The following CNTNAP2 variants were observed in gnomAD, a reference collection of about 807,000 sequenced individuals.
CNTNAP2 encodes contactin associated protein 2.
Under a neutral mutation model 155.2 loss-of-function variants are expected in CNTNAP2, and 98 were observed. The ratio of observed to expected loss-of-function variants is 0.63; its 90% CI spans 0.54 to 0.75. CNTNAP2 has a LOEUF of 0.75. Ranked by LOEUF, CNTNAP2 falls within the 30% of genes least tolerant of loss-of-function variation. The pLI, the probability that CNTNAP2 is intolerant of heterozygous loss-of-function variation, is 0.00. For missense variants in CNTNAP2, 1,727 were observed against 1,688.1 expected, an observed-to-expected ratio of 1.02 and a Z score of -0.40; for synonymous variants, 651 against 631.2, an observed-to-expected ratio of 1.03 and a Z score of -0.47.
At chr7:146,118,671 A>G (rs1300113190) in intron 1 of CNTNAP2, among the ~76,000 whole-genome samples, 1 of 152,154 alleles carries the variant, frequency 6.6e-6, no homozygotes, top group African/African-American at 2.4e-5. Flanking sequence ...AGCAAATGGA[A>G]CACTGGCAGC....
intron 1 of CNTNAP2, among the ~76,000 whole-genome samples, chr7:146,684,617 T>A (rs1345924143): frequency 2.7e-5 from 2 of 74,122 alleles, no homozygotes; most frequent in Non-Finnish European, 5.2e-5. Flanking sequence ...CAAAACAGCT[T>A]CGAGCAATAA....
At chr7:147,315,284 T>C (rs985183499) in intron 9 of CNTNAP2, among the ~76,000 whole-genome samples, 1 of 40,766 alleles carries the variant, frequency 2.5e-5, no homozygotes, top group Non-Finnish European at 4.1e-5. Context: ...AATAACTTGG[T>C]GTGATACTCC....
intron 9 of CNTNAP2, among the ~76,000 whole-genome samples, chr7:147,394,017 G>C (rs908912962): frequency 2.0e-5 from 3 of 152,092 alleles, no homozygotes; most frequent in African/African-American, 7.2e-5. Context: ...TAACTGGTAT[G>C]GTTTGGCTGT....
At chr7:146,676,956 A>G (rs1372349216) in intron 1 of CNTNAP2, among the ~76,000 whole-genome samples, 2 of 152,232 alleles carry the variant, frequency 1.3e-5, no homozygotes, top group Admixed American at 6.5e-5. Flanking sequence ...TACACTAAAA[A>G]GTATCCAAGA....
At chr7:147,603,355 T>G (rs1800994439) in intron 12 of CNTNAP2, among the ~76,000 whole-genome samples, 1 of 152,222 alleles carries the variant, frequency 6.6e-6, no homozygotes, top group Non-Finnish European at 1.5e-5. Flanking sequence ...CTTGTAAATT[T>G]GTTTGAGTTC....
intron 16 of CNTNAP2, among the ~76,000 whole-genome samples, chr7:148,137,633 G>A (rs1804981407): frequency 6.7e-6 from 1 of 149,720 alleles, no homozygotes; most frequent in Admixed American, 6.8e-5. Context: ...TTGCACTCCA[G>A]CCTGGGCAAC....
At chr7:147,334,027 A>G (rs960657072) in intron 9 of CNTNAP2, among the ~76,000 whole-genome samples, 2 of 152,140 alleles carry the variant, frequency 1.3e-5, no homozygotes, top group African/African-American at 4.8e-5. Flanking sequence ...TCAAGGGCTC[A>G]TGTGCTTGAA....
chr7:148,143,875 C>T (rs1298270419), intron 16 of CNTNAP2, among the ~76,000 whole-genome samples: 1 of 152,134 alleles, frequency 6.6e-6, no homozygotes, highest in East Asian at 1.9e-4. Flanking sequence ...AAAGACTCCA[C>T]TCATGTTTCA....
intron 1 of CNTNAP2, among the ~76,000 whole-genome samples, chr7:146,166,708 A>C (rs1458928662): frequency 6.6e-6 from 1 of 152,156 alleles, no homozygotes; most frequent in Non-Finnish European, 1.5e-5. Context: ...TCCAGCCAAA[A>C]CCCCTTGGAT....
At chr7:147,552,506 CTG>C (rs1488714412) in intron 11 of CNTNAP2, among the ~76,000 whole-genome samples, 2 of 151,694 alleles carry the variant, frequency 1.3e-5, no homozygotes, top group African/African-American at 2.4e-5. Context: ...TTTCATTTAA[CTG>C]TGATTTGTTT....
intron 1 of CNTNAP2, among the ~76,000 whole-genome samples, chr7:146,623,536 G>T (rs1799369224): frequency 6.6e-6 from 1 of 152,150 alleles, no homozygotes; most frequent in South Asian, 2.1e-4. Flanking sequence ...AACTTTCACA[G>T]ATAGGCTTCT....
At chr7:147,400,128 TGAAAACCTGAGA>T (rs1796886779) in intron 10 of CNTNAP2, among the ~76,000 whole-genome samples, 2 of 152,170 alleles carry the variant, frequency 1.3e-5, no homozygotes, top group Non-Finnish European at 2.9e-5. Context: ...TTTCCAGGTG[TGAAAACCTGAGA>T]GCCCAAACCT....
At chr7:147,505,766 C>T (rs1457048636) in intron 11 of CNTNAP2, among the ~76,000 whole-genome samples, 2 of 152,164 alleles carry the variant, frequency 1.3e-5, no homozygotes, top group Admixed American at 6.5e-5. Context: ...GGTTATAATA[C>T]ACATAAAACT....
chr7:147,873,442 C>T (rs1324730425), intron 13 of CNTNAP2, among the ~76,000 whole-genome samples: 2 of 152,132 alleles, frequency 1.3e-5, no homozygotes, highest in Non-Finnish European at 2.9e-5. Flanking sequence ...TCTTACATGG[C>T]AGCAGGCAAG....
intron 13 of CNTNAP2, among the ~76,000 whole-genome samples, chr7:147,695,364 G>T (rs1176391909): frequency 1.3e-5 from 2 of 152,188 alleles, no homozygotes; most frequent in African/African-American, 4.8e-5. Flanking sequence ...ATGATCTAGT[G>T]TTTTTGAGTT....
At chr7:147,937,268 A>G (rs540804873) in intron 14 of CNTNAP2, among the ~76,000 whole-genome samples, 6 of 152,280 alleles carry the variant, frequency 3.9e-5, no homozygotes, top group East Asian at 1.9e-4. Flanking sequence ...TTGACCAACA[A>G]ATTTCCATAT....
At chr7:146,680,946 C>A (rs1800491160) in intron 1 of CNTNAP2, among the ~76,000 whole-genome samples, 1 of 152,148 alleles carries the variant, frequency 6.6e-6, no homozygotes, top group Non-Finnish European at 1.5e-5. Context: ...TACTGTGGAA[C>A]TTCCTATCAA....
chr7:147,514,639 A>AGAG (rs1799085418), intron 11 of CNTNAP2, among the ~76,000 whole-genome samples: 1 of 149,638 alleles, frequency 6.7e-6, no homozygotes, highest in Non-Finnish European at 1.5e-5. Flanking sequence ...AAAAATAATA[A>AGAG]GGTGTTTTGC....
intron 18 of CNTNAP2, among the ~76,000 whole-genome samples, chr7:148,182,741 G>T (rs1178858352): frequency 6.6e-6 from 1 of 152,150 alleles, no homozygotes; most frequent in African/African-American, 2.4e-5. Context: ...AAATTATGAA[G>T]AGCCAGCTGC....
Sources: gnomAD v4.1 joint callset for allele counts (sites outside exome capture counted in the v4.1 genomes callset) on GRCh38, gnomAD v4.1.1 for gene constraint, MANE v1.5 for transcripts, NCBI Gene and HGNC (gene_info 2026-07-23, HGNC 2026-07-21) for gene names.